The following TMEM267 variants were observed in gnomAD, a reference collection of about 807,000 sequenced individuals.
TMEM267 encodes transmembrane protein C5orf28.
TMEM267 carries 20 observed loss-of-function variants against 19.3 expected under a neutral mutation model. That is an observed-to-expected ratio of 1.04 (90% CI 0.73 to 1.51). The LOEUF is 1.51. TMEM267 is among the 40% of genes most tolerant of loss of function. TMEM267 has a pLI of 0.00. For synonymous variants in TMEM267, 88 were observed against 90.3 expected, an observed-to-expected ratio of 0.97 and a Z score of 0.15; for missense variants, 242 against 261.9, an observed-to-expected ratio of 0.92 and a Z score of 0.52.
At chr5:43,483,430 G>A (rs774218321) in intron 1 of TMEM267, among the ~76,000 whole-genome samples, 7 of 152,222 alleles carry the variant, frequency 4.6e-5, no homozygotes, top group Non-Finnish European at 1.0e-4. Context: ...GGGCACGAAA[G>A]GCTCTTACAA....
chr5:43,473,279 T>G (rs780226204), intron 1 of TMEM267, among the ~76,000 whole-genome samples: 1 of 150,072 alleles, frequency 6.7e-6, no homozygotes, highest in African/African-American at 2.5e-5. Flanking sequence ...GAGAAAGAAA[T>G]AAAGGGTATT....
chr5:43,479,871 C>CA (rs1034132140), intron 1 of TMEM267: 7 of 442,408 alleles, frequency 1.6e-5, no homozygotes, highest in African/African-American at 4.1e-5. Context: ...GACCAAAATA[C>CA]AAAAAATGCA....
rs139707951 is a variant in TMEM267, at chr5:43,478,655, A to G, written c.-75+5167T>C. 5.9e-5 allele frequency among the ~76,000 whole-genome samples: 9 copies of G among 152,306 alleles called. No homozygotes were observed. The East Asian group carries it at 1.5e-3, about 26-fold the overall frequency. ...ATGACAGAGAAAGATTAGTAGCCCTAATGTATTAAGGGCTCTTAAAATTAA... is the reference window on the plus strand; with the variant it reads ...ATGACAGAGAAAGATTAGTAGCCCTGATGTATTAAGGGCTCTTAAAATTAA... On this transcript the variant is annotated intron_variant, in intron 1 of 2. Coordinates refer to ENST00000397080, the MANE Select transcript of TMEM267 (RefSeq NM_022483.5).
At chr5:43,456,926 G>T (rs1051821432) in intron 1 of TMEM267, among the ~76,000 whole-genome samples, 8 of 152,144 alleles carry the variant, frequency 5.3e-5, no homozygotes, top group African/African-American at 1.9e-4. Flanking sequence ...TGTACACAAA[G>T]GCTTACACAT....
intron 1 of TMEM267, among the ~76,000 whole-genome samples, chr5:43,462,151 G>C (rs570167479): frequency 6.6e-6 from 1 of 152,184 alleles, no homozygotes; most frequent in South Asian, 2.1e-4. Flanking sequence ...TGGTAATCCA[G>C]AGAATTCTCC....
intron 1 of TMEM267, among the ~76,000 whole-genome samples, chr5:43,456,718 A>C (rs1269246215): frequency 6.6e-6 from 1 of 152,242 alleles, no homozygotes; most frequent in Non-Finnish European, 1.5e-5. Context: ...CACACCTGTT[A>C]AATGGCTAAA....
intron 1 of TMEM267, among the ~76,000 whole-genome samples, chr5:43,478,916 T>C (rs1301689497): frequency 6.6e-6 from 1 of 151,990 alleles, no homozygotes; most frequent in African/African-American, 2.4e-5. Context: ...AGAATGTAAA[T>C]TGGTATAAAC....
chr5:43,482,527 C>G (rs1179559040), intron 1 of TMEM267, among the ~76,000 whole-genome samples: 1 of 152,198 alleles, frequency 6.6e-6, no homozygotes, highest in Non-Finnish European at 1.5e-5. Flanking sequence ...GAGTAGTGAT[C>G]TCTTTTAAAC....
At chr5:43,455,095 G>A (rs1742866081) in intron 1 of TMEM267, among the ~76,000 whole-genome samples, 1 of 152,058 alleles carries the variant, frequency 6.6e-6, no homozygotes, top group Non-Finnish European at 1.5e-5. Flanking sequence ...TAAGTTGGAG[G>A]ACTACTTATG....
intron 1 of TMEM267, among the ~76,000 whole-genome samples, chr5:43,464,610 A>C (rs1302179080): frequency 6.6e-6 from 1 of 152,290 alleles, no homozygotes; most frequent in Non-Finnish European, 1.5e-5. Flanking sequence ...AAACAGAGAT[A>C]TAGATCAATG....
At chr5:43,447,023 T>G (rs1489042090) in intron 2 of TMEM267, among the ~76,000 whole-genome samples, 1 of 152,086 alleles carries the variant, frequency 6.6e-6, no homozygotes, top group Admixed American at 6.5e-5. Flanking sequence ...TGGAATTTAT[T>G]TACAACATTT....
At chr5:43,451,598 A>G (rs1453948152) in intron 2 of TMEM267, among the ~76,000 whole-genome samples, 1 of 152,140 alleles carries the variant, frequency 6.6e-6, no homozygotes, top group African/African-American at 2.4e-5. Flanking sequence ...TCAAAAACCA[A>G]CAGATGTTGG....
chr5:43,474,928 G>A (rs1487780162), intron 1 of TMEM267, among the ~76,000 whole-genome samples: 1 of 152,146 alleles, frequency 6.6e-6, no homozygotes, highest in Admixed American at 6.5e-5. Context: ...CACTGTTGGT[G>A]GGAGTGTAAA....
chr5:43,476,508 C>CT (rs67848213), intron 1 of TMEM267, among the ~76,000 whole-genome samples: 1,449 of 54,856 alleles, frequency 0.026, 198 homozygotes, highest in Admixed American at 0.033. Flanking sequence ...AAAGCCAGAC[C>CT]TTTTTTTTTT....
At chr5:43,446,653 A>G in intron 2 of TMEM267, 96 bp from the exon 3 acceptor site, 1 of 726,350 alleles carries the variant, frequency 1.4e-6, no homozygotes, top group Admixed American at 3.2e-5. Context: ...TCCAGAGTCT[A>G]TTGGACATGC....
rs144740778 is a variant in TMEM267, at chr5:43,456,285, A to G, written c.-74-2242T>C. Among the ~76,000 whole-genome samples the G allele has an allele frequency of 4.7e-3, 715 of 152,370 alleles. 9 individuals are homozygous for G. The highest frequency in any genetic ancestry group is 0.016 in the African/African-American group (683 of 41,582). On this transcript the variant is annotated intron_variant, in intron 1 of 2. Transcript: ENST00000397080. Reference sequence around the variant, plus strand: ...TACTCCATATACAAAAATTATCTCAAAATGAATCACAAACCTAAATGTAAA... The same window carrying G: ...TACTCCATATACAAAAATTATCTCAGAATGAATCACAAACCTAAATGTAAA...
intron 1 of TMEM267, among the ~76,000 whole-genome samples, chr5:43,471,744 A>G (rs932249407): frequency 4.6e-5 from 7 of 152,222 alleles, no homozygotes; most frequent in Admixed American, 2.0e-4. Context: ...ATCTATATGC[A>G]GAAGAATGAA....
intron 1 of TMEM267, among the ~76,000 whole-genome samples, chr5:43,478,843 A>T (rs1744585980): frequency 6.6e-6 from 1 of 152,162 alleles, no homozygotes; most frequent in African/African-American, 2.4e-5. Flanking sequence ...CTGACAAAAG[A>T]TTACTAATAC....
intron 1 of TMEM267, among the ~76,000 whole-genome samples, chr5:43,463,948 T>C (rs950390814): frequency 7.9e-5 from 12 of 152,320 alleles, no homozygotes; most frequent in African/African-American, 2.9e-4. Flanking sequence ...TTGGAAGTTC[T>C]GGCCAGAGCA....
Sources: gnomAD v4.1 joint callset for allele counts (sites outside exome capture counted in the v4.1 genomes callset) on GRCh38, gnomAD v4.1.1 for gene constraint, MANE v1.5 for transcripts, NCBI Gene and HGNC (gene_info 2026-07-23, HGNC 2026-07-21) for gene names.